NBAS: variants seen among roughly 807,000 people sequenced by gnomAD.
NBAS encodes the protein NBAS subunit of NRZ tethering complex.
NBAS carries 219 observed loss-of-function variants against 302.5 expected under a neutral mutation model. The ratio of observed to expected loss-of-function variants is 0.72; its 90% CI spans 0.65 to 0.81. NBAS has a LOEUF of 0.81. NBAS is among the 30% of genes least tolerant of loss of function. The pLI is 0.00. For missense variants in NBAS, 2,932 were observed against 2,841.6 expected, an observed-to-expected ratio of 1.03 and a Z score of -0.72; for synonymous variants, 1,118 against 1,021.6, an observed-to-expected ratio of 1.09 and a Z score of -1.80.
chr2:14,940,325 C>T, the NBAS span, among the ~76,000 whole-genome samples: 1 of 152,140 alleles, frequency 6.6e-6, no homozygotes, highest in Non-Finnish European at 1.5e-5. Context: ...CTGTTTAAAA[C>T]ATATGTAGCA....
chr2:14,901,629 G>A, the NBAS span, among the ~76,000 whole-genome samples: 3 of 152,078 alleles, frequency 2.0e-5, 1 homozygote, highest in South Asian at 6.2e-4. Context: ...AGAAAAATGA[G>A]GGGAAATAAC....
intron 35 of NBAS, among the ~76,000 whole-genome samples, chr2:15,336,762 G>C (rs2148253585): frequency 6.6e-6 from 1 of 152,176 alleles, no homozygotes; most frequent in Non-Finnish European, 1.5e-5. Flanking sequence ...GTTGTATTCA[G>C]AGTGGGTAAA....
At chr2:15,061,201 T>C in the NBAS span, among the ~76,000 whole-genome samples, 1 of 152,320 alleles carries the variant, frequency 6.6e-6, no homozygotes, top group South Asian at 2.1e-4. Context: ...CGTGCTCACC[T>C]GTGTGTGCAC....
the NBAS span, among the ~76,000 whole-genome samples, chr2:14,912,624 T>A: frequency 2.7e-5 from 4 of 150,484 alleles, no homozygotes; most frequent in East Asian, 7.8e-4. Flanking sequence ...CTTAGTCAGT[T>A]CAGACACTGG....
chr2:14,797,146 A>G, the NBAS span, among the ~76,000 whole-genome samples: 1 of 132,854 alleles, frequency 7.5e-6, no homozygotes, highest in Admixed American at 7.3e-5. Flanking sequence ...GGGGGACTAC[A>G]GCCACCTGCC....
intron 9 of NBAS, among the ~76,000 whole-genome samples, chr2:15,528,816 G>A (rs1468072539): frequency 6.8e-6 from 1 of 146,502 alleles, no homozygotes; most frequent in Non-Finnish European, 1.5e-5. Context: ...GCAGTGAGCT[G>A]AGATCTTGCC....
the NBAS span, among the ~76,000 whole-genome samples, chr2:14,833,254 A>G: frequency 6.6e-6 from 1 of 152,180 alleles, no homozygotes; most frequent in Non-Finnish European, 1.5e-5. Flanking sequence ...GATTGAAAGC[A>G]GTCATATGCA....
chr2:15,165,304 G>T (rs1273159421), downstream of NBAS, among the ~76,000 whole-genome samples: 1 of 152,178 alleles, frequency 6.6e-6, no homozygotes, highest in Non-Finnish European at 1.5e-5. Flanking sequence ...TTTTTTGGCC[G>T]CGTGGGTCTG....
At chr2:15,436,375 C>T (rs1251307789) in intron 21 of NBAS, among the ~76,000 whole-genome samples, 1 of 152,114 alleles carries the variant, frequency 6.6e-6, no homozygotes, top group African/African-American at 2.4e-5. Flanking sequence ...AGTAGTAGCT[C>T]ACAGAAATGA....
chr2:15,023,171 T>C, the NBAS span, among the ~76,000 whole-genome samples: 4 of 152,336 alleles, frequency 2.6e-5, no homozygotes, highest in South Asian at 8.3e-4. Flanking sequence ...TCCTAATATA[T>C]GTATTTGATT....
chr2:14,811,687 G>T, the NBAS span, among the ~76,000 whole-genome samples: 4 of 152,138 alleles, frequency 2.6e-5, no homozygotes, highest in Admixed American at 2.6e-4. Flanking sequence ...ATGCAGAGGG[G>T]CAAAGACTAG....
chr2:15,493,056 G>A (rs1188535404), intron 11 of NBAS, among the ~76,000 whole-genome samples: 1 of 152,172 alleles, frequency 6.6e-6, no homozygotes, highest in African/African-American at 2.4e-5. Context: ...TCCCCATGCT[G>A]TTCTCATGCT....
chr2:15,066,535 A>T, the NBAS span, among the ~76,000 whole-genome samples: 1 of 152,236 alleles, frequency 6.6e-6, no homozygotes, highest in African/African-American at 2.4e-5. Context: ...CAATTAAAAA[A>T]TAAGTAAAGG....
At chr2:15,233,877 AAGG>A (rs1370844718) in intron 46 of NBAS, among the ~76,000 whole-genome samples, 5 of 152,204 alleles carry the variant, frequency 3.3e-5, no homozygotes, top group African/African-American at 1.2e-4. Flanking sequence ...GAATGCTTAA[AAGG>A]AGAATAAATT....
At chr2:15,379,540 A>G (rs1188191259) in intron 30 of NBAS, 62 bp downstream of exon 30, 1 of 1,468,696 alleles carries the variant, frequency 6.8e-7, no homozygotes, top group East Asian at 2.3e-5. Flanking sequence ...AAGAATAACA[A>G]TGCAGTTTGT....
chr2:15,328,157 G>C, intron 37 of NBAS, 42 bp downstream of exon 37: 2 of 1,551,898 alleles, frequency 1.3e-6, no homozygotes, highest in Admixed American at 1.7e-5. Context: ...GTCTACAACA[G>C]CATGACAGTT....
chr2:15,037,225 G>C, the NBAS span, among the ~76,000 whole-genome samples: 1 of 152,134 alleles, frequency 6.6e-6, no homozygotes, highest in Non-Finnish European at 1.5e-5. Context: ...TTTCACTCAG[G>C]AGCCTGCATT....
At chr2:14,972,400 CAT>C in the NBAS span, among the ~76,000 whole-genome samples, 1 of 151,892 alleles carries the variant, frequency 6.6e-6, no homozygotes, top group Non-Finnish European at 1.5e-5. Context: ...ATGTTCTGCA[CAT>C]GTGTCCCAGA....
At chr2:15,113,001 TGAC>T in the NBAS span, among the ~76,000 whole-genome samples, 1 of 152,036 alleles carries the variant, frequency 6.6e-6, no homozygotes, top group Admixed American at 6.6e-5. Context: ...GTGTTTGCTC[TGAC>T]AACATAGACA....
Sources: allele counts gnomAD v4.1 joint callset (sites outside exome capture counted in the v4.1 genomes callset), GRCh38; gene constraint gnomAD v4.1.1; transcripts MANE v1.5; gene names NCBI Gene and HGNC (gene_info 2026-07-23, HGNC 2026-07-21).